TUBB6: variants seen among roughly 807,000 people sequenced by gnomAD.
TUBB6 encodes the protein tubulin beta-6 chain.
TUBB6 carries 18 observed loss-of-function variants against 32.3 expected under a neutral mutation model. The ratio of observed to expected loss-of-function variants is 0.56; its 90% CI spans 0.39 to 0.83. The LOEUF (loss-of-function observed/expected upper bound fraction) is 0.83. Ranked by LOEUF, TUBB6 falls within the 40% of genes least tolerant of loss-of-function variation. The pLI, the probability that TUBB6 is intolerant of heterozygous loss-of-function variation, is 0.00. For missense variants in TUBB6, 480 were observed against 632.0 expected (o/e 0.76, Z 2.58); for synonymous variants, 280 against 265.8 (o/e 1.05, Z -0.52).
At chr18:12,328,077 A>G (rs1568129770), downstream of TUBB6, among the ~76,000 whole-genome samples, 1 of 152,346 alleles carries the variant, frequency 6.6e-6, no homozygotes, top group East Asian at 1.9e-4. Context: ...TGCAGGTGCA[A>G]AGGTCCAGCA....
intron 3 of TUBB6, among the ~76,000 whole-genome samples, chr18:12,324,445 CTT>C (rs201642073): frequency 8.3e-5 from 12 of 144,326 alleles, no homozygotes; most frequent in East Asian, 4.1e-4. Flanking sequence ...AAGGAGAGAA[CTT>C]TTTTTTTTTT....
Position 12,326,046 on chromosome 18 carries a change from A to T in TUBB6, c.1257A>T (p.Val419=). The change falls in exon 4 of 4, where the codon GTA becomes GTT. Residue 419 remains valine (V), a synonymous_variant. Coordinates refer to ENST00000317702, the MANE Select transcript of TUBB6 (RefSeq NM_032525.3). The part of the protein sequence containing the change: ...TEAESNMNDL[V]SEYQQYQDAT... ...CGGAGAGCAACATGAACGACCTGGT[A>T]TCCGAGTACCAGCAGTACCAGGATG... The T allele has an allele frequency of 6.2e-7, 1 of 1,614,222 alleles. No homozygotes were observed. Among genetic ancestry groups the T allele is most frequent in the Non-Finnish European group, 8.5e-7 (1 of 1,180,052 alleles).
At chr18:12,310,663 T>C (rs1431184248) in intron 2 of TUBB6, among the ~76,000 whole-genome samples, 3 of 152,032 alleles carry the variant, frequency 2.0e-5, no homozygotes, top group Non-Finnish European at 4.4e-5. Context: ...TTTTTGTTTG[T>C]TTGTTTTTAG....
chr18:12,327,834 C>A (rs976360165), downstream of TUBB6, among the ~76,000 whole-genome samples: 27 of 152,226 alleles, frequency 1.8e-4, no homozygotes, highest in Admixed American at 1.0e-3. Context: ...CCACTCTCGT[C>A]CCCCGGGAGG....
At chr18:12,310,477 C>G (rs374256068) in intron 2 of TUBB6, among the ~76,000 whole-genome samples, 2 of 126,476 alleles carry the variant, frequency 1.6e-5, no homozygotes, top group African/African-American at 6.1e-5. Context: ...GGCAACAGAG[C>G]GAGACTCCAT....
intron 1 of TUBB6, 167 bp from the exon 2 acceptor site, chr18:12,308,520 G>A (rs1202493313): frequency 1.4e-6 from 1 of 704,062 alleles, no homozygotes. Context: ...GTGGCCGGCC[G>A]GGGACCTTCT....
chr18:12,315,909 T>C (rs777906334), intron 3 of TUBB6, among the ~76,000 whole-genome samples: 7 of 152,244 alleles, frequency 4.6e-5, no homozygotes, highest in Admixed American at 1.3e-4. Flanking sequence ...GAGATTCATA[T>C]TATTTTTCAT....
chr18:12,328,420 AT>A (rs1907406461), downstream of TUBB6, among the ~76,000 whole-genome samples: 1 of 152,218 alleles, frequency 6.6e-6, no homozygotes, highest in Non-Finnish European at 1.5e-5. Flanking sequence ...TTTTTAAGGA[AT>A]TTTGATATAG....
At chr18:12,309,782 C>A (rs74887793) in intron 2 of TUBB6, among the ~76,000 whole-genome samples, 2 of 152,002 alleles carry the variant, frequency 1.3e-5, no homozygotes, top group African/African-American at 4.8e-5. Flanking sequence ...GTGTCCTCAC[C>A]GGGAACAAGT....
intron 3 of TUBB6, among the ~76,000 whole-genome samples, chr18:12,324,587 C>G (rs2143042397): frequency 6.6e-6 from 1 of 151,554 alleles, no homozygotes; most frequent in Admixed American, 6.6e-5. Context: ...GTAGCTGGGA[C>G]TACAGGCTCC....
chr18:12,325,937 A>C lies in TUBB6; in HGVS notation c.1148A>C (p.Glu383Ala). The change falls in exon 4 of 4, where the codon GAG (glutamate) becomes GCG (alanine). Residue 383 changes from glutamate to alanine, a missense_variant. By Grantham distance (107) the Glu-to-Ala change is moderately radical. Transcript: ENST00000317702. The part of the protein sequence containing the change: ...AIQELFKRIS[E>A]QFSAMFRRKA... ...CAGGAGCTGTTCAAGCGCATCTCCG[A>C]GCAGTTCTCAGCCATGTTCCGGCGC... 1 of 1,614,060 alleles carries C rather than the reference A, an allele frequency of 6.2e-7. No individual in the cohort carries two copies. Among genetic ancestry groups the C allele is most frequent in the East Asian group, 2.2e-5 (1 of 44,886 alleles).
chr18:12,311,543 G>C (rs1001488279), intron 3 of TUBB6, among the ~76,000 whole-genome samples: 12 of 152,166 alleles, frequency 7.9e-5, no homozygotes, highest in African/African-American at 2.4e-4. Flanking sequence ...GTTGCAGTGA[G>C]CTGAGATTGC....
intron 3 of TUBB6, among the ~76,000 whole-genome samples, chr18:12,317,048 C>A (rs377691969): frequency 6.6e-6 from 1 of 151,034 alleles, no homozygotes; most frequent in East Asian, 2.0e-4. Flanking sequence ...CCCAGCTACT[C>A]GGGAGGCTGA....
At chr18:12,313,712 T>G (rs1298028100) in intron 3 of TUBB6, among the ~76,000 whole-genome samples, 4 of 152,218 alleles carry the variant, frequency 2.6e-5, no homozygotes, top group Non-Finnish European at 5.9e-5. Flanking sequence ...GGTGAAGGTG[T>G]TTGGGAAAAT....
chr18:12,313,736 A>G (rs1230413842), intron 3 of TUBB6, among the ~76,000 whole-genome samples: 1 of 152,260 alleles, frequency 6.6e-6, no homozygotes, highest in Non-Finnish European at 1.5e-5. Context: ...AGCTGTTCAG[A>G]GAACTACTTA....
intron 3 of TUBB6, among the ~76,000 whole-genome samples, chr18:12,315,431 T>C (rs1906617773): frequency 6.6e-6 from 1 of 152,230 alleles, no homozygotes; most frequent in South Asian, 2.1e-4. Flanking sequence ...TCCAATTGGA[T>C]TAATGCCACC....
chr18:12,314,846 A>G (rs1906583223), intron 3 of TUBB6, among the ~76,000 whole-genome samples: 1 of 152,200 alleles, frequency 6.6e-6, no homozygotes, highest in African/African-American at 2.4e-5. Context: ...CACAGCTGAC[A>G]TTGTCTCATA....
intron 2 of TUBB6, among the ~76,000 whole-genome samples, chr18:12,309,310 G>A (rs922490650): frequency 2.7e-5 from 4 of 150,584 alleles, no homozygotes; most frequent in Non-Finnish European, 5.9e-5. Flanking sequence ...CTGTGATCGC[G>A]CCACTGCACT....
chr18:12,325,022 G>T lies in TUBB6; in HGVS notation c.278-45G>T, dbSNP rs62095700. The stretch of plus-strand genomic sequence containing the variant: ...GTCGGTGACCAAGCATGGTGATGGC[G>T]CAGCCCTTTCCTGTTTAAACGGCAC... On this transcript the variant is annotated intron_variant, in intron 3 of 3. Coordinates refer to ENST00000317702, the MANE Select transcript of TUBB6 (RefSeq NM_032525.3). The T allele has an allele frequency of 4.5e-5, 69 of 1,530,340 alleles. No homozygotes were observed. In the East Asian group the frequency reaches 1.5e-3, roughly 34 times the overall value. 94.8% of individuals were successfully genotyped at this position (1,530,340 alleles called of 1,614,324 possible). A position where few individuals can be genotyped will look rare whatever the true frequency, so the allele number is the denominator to read the frequency against.
Sources: allele counts gnomAD v4.1 joint callset (sites outside exome capture counted in the v4.1 genomes callset), GRCh38; gene constraint gnomAD v4.1.1; transcripts MANE v1.5; gene names NCBI Gene and HGNC (gene_info 2026-07-23, HGNC 2026-07-21).